Variants in TRIM4 observed in about 807,000 individuals in gnomAD.
TRIM4 encodes the protein tripartite motif containing 4.
A neutral mutation model predicts 33.7 loss-of-function variants in TRIM4; 29 were observed. That is an observed-to-expected ratio of 0.86 (90% CI 0.64 to 1.17). The LOEUF (loss-of-function observed/expected upper bound fraction) is 1.17. TRIM4 is among the 50% of genes most tolerant of loss of function. TRIM4 has a pLI of 0.00. For synonymous variants in TRIM4, 224 were observed against 233.0 expected, an observed-to-expected ratio of 0.96 and a Z score of 0.35; for missense variants, 554 against 593.7, an observed-to-expected ratio of 0.93 and a Z score of 0.69.
chr7:99,909,651 G>A lies in TRIM4; in HGVS notation c.403C>T (p.Leu135Phe). 6.2e-7 allele frequency: 1 copy of A among 1,610,676 alleles called. No homozygotes were observed. The highest frequency in any genetic ancestry group is 8.5e-7 in the Non-Finnish European group (1 of 1,178,828). ...GCCACGAGATTACGCTGAGACTTAA[G>A]AAGTTTCTCCTGCCAGCAGAAACAC... ...EAFESYREKL[L>F]KSQRNLVAKM... Residue 135 changes from leucine to phenylalanine, a missense_variant, in exon 2 of 6, where the codon CTT becomes TTT. This residue lies in a region of TRIM4 where 233 missense variants were observed against 203.1 expected (regional missense o/e 1.15). Transcript: ENST00000349062.
chr7:99,911,543 C>G (rs943064164), intron 1 of TRIM4, among the ~76,000 whole-genome samples: 2 of 152,050 alleles, frequency 1.3e-5, no homozygotes, highest in African/African-American at 2.4e-5. Flanking sequence ...TTTTTAAATT[C>G]TTCCCCAGAA....
intron 5 of TRIM4, among the ~76,000 whole-genome samples, chr7:99,902,983 A>G (rs564484836): frequency 6.6e-6 from 1 of 152,090 alleles, no homozygotes; most frequent in East Asian, 1.9e-4. Context: ...TGTCTCTCCA[A>G]TGTGCTTACG....
At position 99,915,785 on chromosome 7, in the gene TRIM4, G is replaced by C. The variant is rs186335927; in HGVS notation, c.393+3224C>G. On this transcript the variant is annotated intron_variant, in intron 1 of 5. Transcript: ENST00000349062. ...ACCTTGTGACATTCAGCCCATCCCA[G>C]TGTAACCCTTACCCATCCACTCCTG... Among the ~76,000 whole-genome samples the C allele has an allele frequency of 4.8e-3, 734 of 152,320 alleles. 7 individuals are homozygous for C. The highest frequency in any genetic ancestry group is 4.4e-3 in the Non-Finnish European group (302 of 68,024).
intron 5 of TRIM4, chr7:99,901,178 G>A (rs1000252278): frequency 6.6e-6 from 1 of 152,054 alleles, no homozygotes; most frequent in Non-Finnish European, 1.5e-5. Context: ...AGTTTCCATT[G>A]CTCTGTCTTC....
chr7:99,906,285 G>A (rs1819303379), intron 3 of TRIM4, among the ~76,000 whole-genome samples: 1 of 152,144 alleles, frequency 6.6e-6, no homozygotes, highest in Non-Finnish European at 1.5e-5. Flanking sequence ...GACTTGGATA[G>A]TAGTTACATG....
intron 3 of TRIM4, among the ~76,000 whole-genome samples, chr7:99,906,771 A>G (rs1819316419): frequency 6.6e-6 from 1 of 152,128 alleles, no homozygotes; most frequent in South Asian, 2.1e-4. Context: ...ACTTGAGCCC[A>G]GCAGCTTGAG....
At chr7:99,918,906 C>T in intron 1 of TRIM4, 103 bp downstream of exon 1, 1 of 1,352,874 alleles carries the variant, frequency 7.4e-7, no homozygotes, top group Non-Finnish European at 9.7e-7. Flanking sequence ...TTCATGCTTC[C>T]AGTAGGAATG....
rs1178749441 is a variant in TRIM4, at chr7:99,919,414, C to T, written c.-13G>A. The T allele has an allele frequency of 2.6e-6, 4 of 1,523,090 alleles. No homozygotes were observed. The highest frequency in any genetic ancestry group is 3.5e-6 in the Non-Finnish European group (4 of 1,137,160). The allele number at this position is 1,523,090 out of a possible 1,614,324, so 94.3% of individuals were successfully genotyped here. A position where few individuals can be genotyped will look rare whatever the true frequency, so the allele number is the denominator to read the frequency against. The stretch of plus-strand genomic sequence containing the variant: ...CCTCAGCTTCCATGCTGCTTCCCTG[C>T]CGCGGAGACGGAGTCCGACGTGAGG... On this transcript the variant is annotated 5_prime_UTR_variant, in exon 1 of 6. Transcript: ENST00000349062.
intron 5 of TRIM4, among the ~76,000 whole-genome samples, chr7:99,894,279 T>C (rs1818961640): frequency 6.6e-6 from 1 of 152,198 alleles, no homozygotes. Context: ...ACAGAAAGAA[T>C]TGGGAAATAT....
At chr7:99,900,337 AGG>A (rs1356890109) in intron 5 of TRIM4, among the ~76,000 whole-genome samples, 1 of 152,100 alleles carries the variant, frequency 6.6e-6, no homozygotes, top group Admixed American at 6.5e-5. Context: ...CACATTATGA[AGG>A]GCAGTCTACA....
At chr7:99,909,152 G>A (rs1476814808) in intron 2 of TRIM4, among the ~76,000 whole-genome samples, 1 of 151,750 alleles carries the variant, frequency 6.6e-6, no homozygotes, top group African/African-American at 2.4e-5. Context: ...GTGTGTGTGT[G>A]TGTGTGCGTG....
intron 5 of TRIM4, chr7:99,902,106 G>A (rs771359754): frequency 1.6e-5 from 12 of 765,104 alleles, no homozygotes; most frequent in East Asian, 7.3e-5. Flanking sequence ...ACTGCCTGAC[G>A]TCTGGTGCTT....
At position 99,899,519 on chromosome 7, in the gene TRIM4, C is replaced by G. The variant is rs1819105510; in HGVS notation, c.841+3699G>C. Among the ~76,000 whole-genome samples, 3 of 152,154 alleles carry G rather than the reference C, an allele frequency of 2.0e-5. No homozygotes were observed. The South Asian group carries it at 6.2e-4, about 32-fold the overall frequency. Reference sequence around the variant, plus strand: ...TCAGTAGGGGACTGGCACAAGTATACACCTTTTTATCAGTCTCCCTTCAAG... The same window carrying G: ...TCAGTAGGGGACTGGCACAAGTATAGACCTTTTTATCAGTCTCCCTTCAAG... On this transcript the variant is annotated intron_variant, in intron 5 of 5. Transcript: ENST00000349062.
chr7:99,896,885 T>C lies in TRIM4; in HGVS notation c.842-4139A>G, dbSNP rs139360113. On this transcript the variant is annotated intron_variant, in intron 5 of 5. Coordinates refer to ENST00000349062, the MANE Select transcript of TRIM4 (RefSeq NM_033091.3). ...AATGCCCAAGCTGTGGCAGCTGCAG[T>C]TGGCCGGCCAGTCCTGACTGTGCTT... Among the ~76,000 whole-genome samples the C allele has an allele frequency of 5.2e-3, 789 of 152,364 alleles. 8 individuals carry two copies. Among genetic ancestry groups the C allele is most frequent in the African/African-American group, 0.018 (758 of 41,578 alleles).
At chr7:99,901,294 T>A (rs1450362431) in intron 5 of TRIM4, 2 of 152,226 alleles carry the variant, frequency 1.3e-5, no homozygotes, top group African/African-American at 4.8e-5. Flanking sequence ...TGATCTGGTC[T>A]CTATGTACCT....
At chr7:99,916,728 G>C (rs1340589040) in intron 1 of TRIM4, 1 of 781,000 alleles carries the variant, frequency 1.3e-6, no homozygotes, top group Admixed American at 1.7e-5. Flanking sequence ...TACAAGAGCA[G>C]CCTAATTAGT....
At chr7:99,916,320 T>C (rs183267718) in intron 1 of TRIM4, among the ~76,000 whole-genome samples, 6 of 152,164 alleles carry the variant, frequency 3.9e-5, no homozygotes, top group African/African-American at 1.4e-4. Context: ...GTGGTCCTCC[T>C]AGGAGAATCT....
At chr7:99,906,533 A>G (rs944305158) in intron 3 of TRIM4, among the ~76,000 whole-genome samples, 2 of 152,202 alleles carry the variant, frequency 1.3e-5, no homozygotes, top group African/African-American at 4.8e-5. Context: ...GACAATAAAT[A>G]TAACAATTTG....
Position 99,903,265 on chromosome 7 carries a change from G to C in TRIM4, c.794C>G (p.Thr265Arg). ...NYSLEAVKVKTVCQIPLMKEM... is the reference protein window; with the variant it reads ...NYSLEAVKVKRVCQIPLMKEM... ...CTTCATCAATGGTATCTGGCACACT[G>C]TCTTCACCTTTACAGCTTCAAGAGA... Residue 265 changes from threonine to arginine, a missense_variant, in exon 5 of 6, where the codon ACA becomes AGA. Physicochemically the swap from Thr to Arg is moderately conservative, Grantham distance 71. Around this residue, in one of 3 missense-constraint regions of TRIM4, gnomAD observed 290 missense variants for 335.8 expected, o/e 0.86. Transcript: ENST00000349062. 6.2e-7 allele frequency: 1 copy of C among 1,613,418 alleles called. No homozygotes were observed. The highest frequency in any genetic ancestry group is 8.5e-7 in the Non-Finnish European group (1 of 1,179,572).
Sources: gnomAD v4.1 joint callset for allele counts (sites outside exome capture counted in the v4.1 genomes callset) on GRCh38, gnomAD v4.1.1 for gene constraint, gnomAD v4.1.1 regional missense constraint, MANE v1.5 for transcripts, NCBI Gene and HGNC (gene_info 2026-07-23, HGNC 2026-07-21) for gene names.